The following TENM1 variants were observed in gnomAD, a reference collection of about 807,000 sequenced individuals.
The protein encoded by TENM1 is teneurin transmembrane protein 1, also known as teneurin-1.
A neutral mutation model predicts 174.8 loss-of-function variants in TENM1; 35 were observed. That is an observed-to-expected ratio of 0.20 (90% confidence interval 0.15 to 0.27). The LOEUF (loss-of-function observed/expected upper bound fraction) is 0.27. TENM1 is among the 10% of genes least tolerant of loss of function. The probability of loss-of-function intolerance (pLI) is 1.00; values close to 1 mark genes in which losing one functional copy is unlikely to be tolerated. For missense variants in TENM1, 1,633 were observed against 2,130.1 expected, an observed-to-expected ratio of 0.77 and a Z score of 4.59; for synonymous variants, 781 against 798.7, an observed-to-expected ratio of 0.98 and a Z score of 0.37.
chrX:124,852,498 T>TA (rs1209850809), intron 3 of TENM1, among the ~76,000 whole-genome samples: 4 of 110,664 alleles, frequency 3.6e-5, no homozygotes, highest in Non-Finnish European at 5.7e-5. Flanking sequence ...CTAGAATAAA[T>TA]AAAAAAATGT....
intron 11 of TENM1, among the ~76,000 whole-genome samples, chrX:124,620,590 C>A (rs2050495457): frequency 8.9e-6 from 1 of 111,866 alleles, no homozygotes; most frequent in South Asian, 3.7e-4. Context: ...TTTACCTAAC[C>A]ATTCTGATTC....
At chrX:124,934,156 ATC>A (rs1458627098) in intron 1 of TENM1, among the ~76,000 whole-genome samples, 1 of 111,987 alleles carries the variant, frequency 8.9e-6, no homozygotes, top group Non-Finnish European at 1.9e-5. Context: ...TTGGAGATAT[ATC>A]TGTCTACATC....
chrX:125,175,501 A>G, the TENM1 span, among the ~76,000 whole-genome samples: 3 of 111,859 alleles, frequency 2.7e-5, no homozygotes, highest in Non-Finnish European at 5.7e-5. Flanking sequence ...ATTATTCGAG[A>G]ACACTTATTT....
At chrX:124,456,577 T>C (rs752774582) in intron 22 of TENM1, among the ~76,000 whole-genome samples, 57 of 111,886 alleles carry the variant, frequency 5.1e-4, no homozygotes, top group African/African-American at 1.7e-3. Flanking sequence ...TGTCCATCAT[T>C]TGGGGAGGTT....
intron 3 of TENM1, among the ~76,000 whole-genome samples, chrX:124,827,483 T>C (rs1041643755): frequency 1.8e-5 from 2 of 112,229 alleles, no homozygotes; most frequent in African/African-American, 6.5e-5. Flanking sequence ...ATGCTAAACC[T>C]GGCAGGGAGT....
the TENM1 span, among the ~76,000 whole-genome samples, chrX:125,112,725 T>A: frequency 9.0e-6 from 1 of 111,731 alleles, no homozygotes; most frequent in African/African-American, 3.2e-5. Flanking sequence ...TTTTTAAAAA[T>A]TTGTTATTAT....
At chrX:125,046,070 T>G in the TENM1 span, among the ~76,000 whole-genome samples, 1 of 111,467 alleles carries the variant, frequency 9.0e-6, no homozygotes, top group Non-Finnish European at 1.9e-5. Flanking sequence ...AAAAAAATAT[T>G]TAAACATTTC....
At chrX:124,990,739 C>T in the TENM1 span, among the ~76,000 whole-genome samples, 1 of 112,141 alleles carries the variant, frequency 8.9e-6, no homozygotes. Flanking sequence ...TAATCTGCTG[C>T]TATCATCCTA....
chrX:125,147,287 A>G, the TENM1 span, among the ~76,000 whole-genome samples: 2 of 109,787 alleles, frequency 1.8e-5, no homozygotes, highest in African/African-American at 6.6e-5. Context: ...TATAGTATAT[A>G]CCATACTATA....
the TENM1 span, among the ~76,000 whole-genome samples, chrX:125,079,985 C>T: frequency 9.0e-6 from 1 of 110,822 alleles, no homozygotes; most frequent in Non-Finnish European, 1.9e-5. Context: ...GTTATCCTGC[C>T]TCATTTATTT....
rs192051285 is a variant in TENM1, at chrX:124,940,028, C to A, written c.217+23509G>T. ...TTTTTCACAACTCTATCCCCAACACCTAAAACAAGATCTGAAACATTGTCA... is the reference window on the plus strand; with the variant it reads ...TTTTTCACAACTCTATCCCCAACACATAAAACAAGATCTGAAACATTGTCA... On this transcript the variant is annotated intron_variant, in intron 1 of 31. Transcript: ENST00000422452. Among the ~76,000 whole-genome samples the A allele has an allele frequency of 2.1e-4, 23 of 112,134 alleles. No individual in the cohort carries two copies. The East Asian group carries it at 5.9e-3, about 29-fold the overall frequency.
chrX:124,551,462 T>C (rs1292018057), intron 14 of TENM1, among the ~76,000 whole-genome samples: 2 of 110,339 alleles, frequency 1.8e-5, no homozygotes, highest in East Asian at 2.8e-4. Context: ...AATAATGAGG[T>C]ATTGTGCAGT....
intron 22 of TENM1, among the ~76,000 whole-genome samples, chrX:124,461,319 C>CA (rs2051003202): frequency 9.0e-6 from 1 of 111,285 alleles, no homozygotes; most frequent in East Asian, 2.8e-4. Context: ...ATAGCCACTA[C>CA]AAAAAATGGA....
intron 1 of TENM1, among the ~76,000 whole-genome samples, chrX:124,926,592 A>G (rs1265562320): frequency 1.8e-5 from 2 of 111,867 alleles, no homozygotes; most frequent in Non-Finnish European, 3.8e-5. Context: ...CCCAACACTA[A>G]AAATACTGCC....
intron 3 of TENM1, among the ~76,000 whole-genome samples, chrX:124,827,829 C>T (rs2056201639): frequency 8.9e-6 from 1 of 111,894 alleles, no homozygotes; most frequent in African/African-American, 3.2e-5. Context: ...ACTTAAAATA[C>T]CTTTGGCCTG....
chrX:124,965,711 C>T (rs1234809683), upstream of TENM1, among the ~76,000 whole-genome samples: 1 of 110,386 alleles, frequency 9.1e-6, no homozygotes, highest in Non-Finnish European at 1.9e-5. Context: ...TATATATATA[C>T]ACACACCAAT....
At chrX:124,567,498 G>A (rs1280113285) in intron 11 of TENM1, among the ~76,000 whole-genome samples, 1 of 111,719 alleles carries the variant, frequency 9.0e-6, no homozygotes, top group Non-Finnish European at 1.9e-5. Context: ...GGGCAGAGAA[G>A]TGCCCATTGG....
intron 1 of TENM1, among the ~76,000 whole-genome samples, chrX:124,944,103 G>A (rs1170266655): frequency 9.0e-6 from 1 of 111,443 alleles, no homozygotes; most frequent in Admixed American, 9.6e-5. Flanking sequence ...ACTGGATGAA[G>A]TATAAAAGAG....
chrX:124,383,864 G>C, exon 30 of TENM1: 2 of 1,211,472 alleles, frequency 1.7e-6, no homozygotes, highest in Non-Finnish European at 2.2e-6. Flanking sequence ...GTCAGGGTAA[G>C]TGTCATGATA....
Sources: allele counts gnomAD v4.1 joint callset (sites outside exome capture counted in the v4.1 genomes callset), GRCh38; gene constraint gnomAD v4.1.1; transcripts MANE v1.5; gene names NCBI Gene and HGNC (gene_info 2026-07-23, HGNC 2026-07-21).